The following BOC variants were observed in gnomAD, a reference collection of about 807,000 sequenced individuals.
The protein encoded by BOC is BOC cell adhesion associated, oncogene regulated, also known as brother of CDO.
Under a neutral mutation model 112.0 loss-of-function variants are expected in BOC, and 76 were observed. The ratio of observed to expected loss-of-function variants is 0.68; its 90% CI spans 0.56 to 0.82. The LOEUF (loss-of-function observed/expected upper bound fraction) is 0.82. Among genes scored for constraint, BOC ranks in the 40% least tolerant of loss-of-function variants. BOC has a pLI of 0.00. For synonymous variants in BOC, 580 were observed against 599.8 expected (o/e 0.97, Z 0.48); for missense variants, 1,309 against 1,511.7 (o/e 0.87, Z 2.22).
intron 2 of BOC, among the ~76,000 whole-genome samples, chr3:113,245,920 G>A (rs1417936125): frequency 6.6e-6 from 1 of 152,138 alleles, no homozygotes; most frequent in Non-Finnish European, 1.5e-5. Context: ...ATGAGCCGAC[G>A]GCTTTTTGTG....
chr3:113,218,616 G>A (rs542720316), intron 2 of BOC, among the ~76,000 whole-genome samples: 8 of 152,240 alleles, frequency 5.3e-5, no homozygotes, highest in Admixed American at 2.6e-4. Context: ...ATGAATGGAT[G>A]TTTTGTAGTG....
intron 4 of BOC, among the ~76,000 whole-genome samples, chr3:113,253,978 T>C (rs993561264): frequency 2.6e-5 from 4 of 152,204 alleles, no homozygotes; most frequent in African/African-American, 9.7e-5. Context: ...TTTTATTGTT[T>C]GGGAAAGGGA....
intron 2 of BOC, among the ~76,000 whole-genome samples, chr3:113,225,760 C>T (rs1177631320): frequency 2.0e-5 from 3 of 152,346 alleles, no homozygotes; most frequent in African/African-American, 4.8e-5. Context: ...AGGGTGCAGT[C>T]TCCTGGCCCC....
chr3:113,273,124 T>G lies in BOC; in HGVS notation c.1017T>G (p.Ser339Arg). The G allele has an allele frequency of 6.2e-7, 1 of 1,612,898 alleles. No homozygotes were observed. Among genetic ancestry groups the G allele is most frequent in the South Asian group, 1.1e-5 (1 of 91,054 alleles). ...LSQLVIPWGQ[S>R]AKLTCEVRGN... ...AGCTGGTCATCCCCTGGGGCCAGAG[T>G]GCCAAGCTTACCTGTGAGGTGCGTG... Residue 339 changes from serine to arginine, a missense_variant, in exon 8 of 20, where the codon AGT becomes AGG. Transcript: ENST00000682979.
At chr3:113,264,471 G>T (rs1332259803) in intron 4 of BOC, among the ~76,000 whole-genome samples, 1 of 152,194 alleles carries the variant, frequency 6.6e-6, no homozygotes. Context: ...TGAAGGGCCT[G>T]TCCCTTATTT....
chr3:113,219,326 G>A (rs1366005926), intron 2 of BOC, among the ~76,000 whole-genome samples: 1 of 152,260 alleles, frequency 6.6e-6, no homozygotes, highest in Admixed American at 6.5e-5. Flanking sequence ...CCCTTCCAGC[G>A]ATGGAGAGAA....
intron 9 of BOC, among the ~76,000 whole-genome samples, chr3:113,276,260 G>A (rs1948659683): frequency 6.6e-6 from 1 of 152,240 alleles, no homozygotes; most frequent in South Asian, 2.1e-4. Context: ...ATTGGCAAAG[G>A]CCATGCCGTG....
Position 113,249,912 on chromosome 3 carries a change from CT to C in BOC, c.97+15del. 1 of 1,609,258 alleles carries C rather than the reference CT, an allele frequency of 6.2e-7. No individual in the cohort carries two copies. The highest frequency in any genetic ancestry group is 8.5e-7 in the Non-Finnish European group (1 of 1,176,366). On this transcript the variant is annotated intron_variant, in intron 3 of 19. Transcript: ENST00000682979. Reference sequence around the variant, plus strand: ...TTTGCTGACTTGAGTGAGTGCTTTCCTTCCCTTTCCCTGCCCTTACAGTCAA... The same window carrying C: ...TTTGCTGACTTGAGTGAGTGCTTTCCTCCCTTTCCCTGCCCTTACAGTCAA...
chr3:113,241,727 C>T (rs1944324041), intron 2 of BOC, among the ~76,000 whole-genome samples: 1 of 152,214 alleles, frequency 6.6e-6, no homozygotes, highest in African/African-American at 2.4e-5. Context: ...TTTCCCGGGG[C>T]AACACAGCCC....
intron 4 of BOC, among the ~76,000 whole-genome samples, chr3:113,255,124 C>CT (rs1946092640): frequency 6.6e-6 from 1 of 152,130 alleles, no homozygotes; most frequent in Non-Finnish European, 1.5e-5. Flanking sequence ...AAAAGAAAAA[C>CT]TTTCTTGCTG....
rs368402400 is a variant in BOC at position 113,270,954 on chromosome 3, G to T, written c.667+10G>T. On this transcript the variant is annotated intron_variant, in intron 6 of 19. Transcript: ENST00000682979. Reference sequence around the variant, plus strand: ...AGGCTACGTGTGCGCCGTAAGGCCCGGGCCCACCTGCTGGGGGATGGGGGA... The same window carrying T: ...AGGCTACGTGTGCGCCGTAAGGCCCTGGCCCACCTGCTGGGGGATGGGGGA... The T allele has an allele frequency of 6.2e-7, 1 of 1,613,914 alleles. No homozygotes were observed. Among genetic ancestry groups the T allele is most frequent in the Non-Finnish European group, 8.5e-7 (1 of 1,180,036 alleles).
chr3:113,236,033 A>G (rs918590762), intron 2 of BOC, among the ~76,000 whole-genome samples: 3 of 151,838 alleles, frequency 2.0e-5, no homozygotes, highest in Non-Finnish European at 4.4e-5. Flanking sequence ...AAATAGAAGT[A>G]TCATATGATC....
chr3:113,249,763 C>G lies in BOC; in HGVS notation c.-40C>G. ...GCAGTATCTCTTTGTGTGACCCTGGCGGCTTATGGGACGTTGGCTTCAGAC... is the reference window on the plus strand; with the variant it reads ...GCAGTATCTCTTTGTGTGACCCTGGGGGCTTATGGGACGTTGGCTTCAGAC... On this transcript the variant is annotated 5_prime_UTR_variant, in exon 3 of 20. Transcript: ENST00000682979. The G allele has an allele frequency of 6.5e-7, 1 of 1,544,082 alleles. No homozygotes were observed. Among genetic ancestry groups the G allele is most frequent in the Non-Finnish European group, 8.8e-7 (1 of 1,130,826 alleles).
chr3:113,280,458 C>A, intron 13 of BOC, 100 bp from the exon 14 acceptor site: 1 of 817,554 alleles, frequency 1.2e-6, no homozygotes, highest in Non-Finnish European at 2.1e-6. Flanking sequence ...AAGTGAAATT[C>A]AAACTCTGGA....
intron 2 of BOC, among the ~76,000 whole-genome samples, chr3:113,243,181 A>G (rs555219713): frequency 1.8e-4 from 28 of 152,346 alleles, no homozygotes; most frequent in African/African-American, 6.7e-4. Flanking sequence ...AAGTGGCTTA[A>G]AGAGATTGCT....
chr3:113,286,966 C>T lies in BOC; in HGVS notation c.*104C>T, dbSNP rs115046855. ...TTGGTATTTATTTTTCTATTATAGCCATATTTATATATTTATGCACTTGTA... is the reference window on the plus strand; with the variant it reads ...TTGGTATTTATTTTTCTATTATAGCTATATTTATATATTTATGCACTTGTA... On this transcript the variant is annotated 3_prime_UTR_variant, in exon 20 of 20. Transcript: ENST00000682979. 1,057 of 1,130,344 alleles carry T rather than the reference C, an allele frequency of 9.4e-4. 6 individuals are homozygous for T. In the African/African-American group the frequency reaches 0.015, roughly 16 times the overall value. The allele number at this position is 1,130,344 out of a possible 1,614,324, so 70.0% of individuals were successfully genotyped here. A position where few individuals can be genotyped will look rare whatever the true frequency, so the allele number is the denominator to read the frequency against.
intron 2 of BOC, among the ~76,000 whole-genome samples, chr3:113,225,663 A>G (rs922116743): frequency 2.0e-5 from 3 of 152,388 alleles, no homozygotes; most frequent in Non-Finnish European, 2.9e-5. Flanking sequence ...TGCTAATGCA[A>G]TGGAGTGTTT....
intron 4 of BOC, among the ~76,000 whole-genome samples, chr3:113,264,817 G>T (rs1947286998): frequency 6.6e-6 from 1 of 152,204 alleles, no homozygotes; most frequent in South Asian, 2.1e-4. Context: ...AGGAGGCACG[G>T]GGGGAGGGGG....
chr3:113,282,307 G>A (rs1949272029), intron 15 of BOC, among the ~76,000 whole-genome samples: 2 of 152,164 alleles, frequency 1.3e-5, no homozygotes, highest in Admixed American at 1.3e-4. Flanking sequence ...GGGCTCTAAA[G>A]TAAAGGTAAA....
Sources: gnomAD v4.1 joint callset for allele counts (sites outside exome capture counted in the v4.1 genomes callset) on GRCh38, gnomAD v4.1.1 for gene constraint, MANE v1.5 for transcripts, NCBI Gene and HGNC (gene_info 2026-07-23, HGNC 2026-07-21) for gene names.